ZFHX4: variants seen among roughly 807,000 people sequenced by gnomAD.
ZFHX4 encodes zinc finger homeobox 4, also known as zinc finger homeobox protein 4.
A neutral mutation model predicts 267.6 loss-of-function variants in ZFHX4; 56 were observed. That is an observed-to-expected ratio of 0.21 (90% CI 0.17 to 0.26). The LOEUF is 0.26. Ranked by LOEUF, ZFHX4 falls within the 10% of genes least tolerant of loss-of-function variation. The pLI is 1.00. For synonymous variants in ZFHX4, 1,778 were observed against 1,665.6 expected (o/e 1.07, Z -1.64); for missense variants, 4,332 against 4,420.0 (o/e 0.98, Z 0.56).
rs569947507 is a variant in ZFHX4 at position 76,735,418 on chromosome 8, A to G, written c.3093+27370A>G. Among the ~76,000 whole-genome samples the G allele has an allele frequency of 1.2e-4, 18 of 152,226 alleles. No homozygotes were observed. In the South Asian group the frequency reaches 3.5e-3, roughly 30 times the overall value. On this transcript the variant is annotated intron_variant, in intron 3 of 10. Transcript: ENST00000651372. ...GCTCATCTTTTCTATTTTCACACAC[A>G]AAAAAGAATTAGAATTCAACAAAAT...
At chr8:76,787,847 G>A (rs1810734431) in intron 4 of ZFHX4, among the ~76,000 whole-genome samples, 2 of 151,778 alleles carry the variant, frequency 1.3e-5, no homozygotes, top group South Asian at 4.2e-4. Flanking sequence ...CTGAAAGCAT[G>A]AGCCAGGCTT....
chr8:76,857,373 T>G (rs1284439756), intron 10 of ZFHX4, among the ~76,000 whole-genome samples: 1 of 148,228 alleles, frequency 6.7e-6, no homozygotes, highest in African/African-American at 2.4e-5. Flanking sequence ...TATATATATA[T>G]ATATATATCT....
At chr8:76,826,777 T>C (rs575961232) in intron 4 of ZFHX4, among the ~76,000 whole-genome samples, 207 of 152,362 alleles carry the variant, frequency 1.4e-3, no homozygotes, top group African/African-American at 4.6e-3. Flanking sequence ...AGAGATCTGC[T>C]GCACAACATT....
chr8:76,776,007 G>A (rs1175544732), intron 3 of ZFHX4, among the ~76,000 whole-genome samples: 1 of 151,572 alleles, frequency 6.6e-6, no homozygotes, highest in Non-Finnish European at 1.5e-5. Context: ...GACAAGAAAC[G>A]AGGTTCTGTT....
At chr8:76,779,218 G>A (rs1296496706) in intron 4 of ZFHX4, among the ~76,000 whole-genome samples, 4 of 152,076 alleles carry the variant, frequency 2.6e-5, no homozygotes, top group Non-Finnish European at 4.4e-5. Context: ...GCATAAAAAA[G>A]CCTATTTAGA....
intron 1 of ZFHX4, among the ~76,000 whole-genome samples, chr8:76,686,776 C>T (rs1382742046): frequency 1.3e-5 from 2 of 152,164 alleles, no homozygotes; most frequent in Non-Finnish European, 2.9e-5. Flanking sequence ...AAAGACTAAT[C>T]CATCTCCCTC....
chr8:76,684,632 TA>T (rs1367561340), intron 1 of ZFHX4, among the ~76,000 whole-genome samples: 1 of 152,206 alleles, frequency 6.6e-6, no homozygotes, highest in Non-Finnish European at 1.5e-5. Flanking sequence ...ACCAGCTGTG[TA>T]AGTCAAAGCA....
rs770030840 is a variant in ZFHX4, at chr8:76,833,378, T to C, written c.3366T>C (p.Leu1122=). Residue 1122 remains leucine (L), a synonymous_variant, in exon 5 of 11, where the codon CTT becomes CTC. Transcript: ENST00000651372. Reference sequence around the variant, plus strand: ...GAGCCAGGACTTGTGATGATGATCTTACAGAGCAGCAGTTGAGATCGACCT... The same window carrying C: ...GAGCCAGGACTTGTGATGATGATCTCACAGAGCAGCAGTTGAGATCGACCT... ...SLGARTCDDD[L]TEQQLRSTSE... is the part of the protein sequence containing the mutation. 2 of 1,610,528 alleles carry C rather than the reference T, an allele frequency of 1.2e-6. No individual in the cohort carries two copies. The highest frequency in any genetic ancestry group is 1.1e-5 in the South Asian group (1 of 90,212).
chr8:76,788,384 A>G (rs921100926), intron 4 of ZFHX4, among the ~76,000 whole-genome samples: 5 of 152,162 alleles, frequency 3.3e-5, no homozygotes, highest in African/African-American at 9.7e-5. Context: ...CTTCTCTAGT[A>G]CTTACTGTAT....
rs759439557 is a variant in ZFHX4, at chr8:76,852,013, C to G, written c.5092C>G (p.Leu1698Val). The G allele has an allele frequency of 6.2e-7, 1 of 1,613,996 alleles. No homozygotes were observed. Among genetic ancestry groups the G allele is most frequent in the East Asian group, 2.2e-5 (1 of 44,886 alleles). ...GTCACCAGCACAAATTCAGATGCAA[C>G]TACAGCACGAATTACAACAGCAAGC... The part of the protein sequence containing the change: ...PQSPAQIQMQ[L>V]QHELQQQAAF... The change falls in exon 10 of 11, where the codon CTA becomes GTA. Residue 1698 changes from leucine (L) to valine (V), a missense_variant. Around this residue, in one of 7 missense-constraint regions of ZFHX4, gnomAD observed 1,371 missense variants for 1,423.1 expected, o/e 0.96. Transcript: ENST00000651372.
rs1812994521 is a variant in ZFHX4 at position 76,865,138 on chromosome 8, C to G, written c.*573C>G. The G allele has an allele frequency of 6.5e-6, 1 of 152,774 alleles. No individual in the cohort carries two copies. The highest frequency in any genetic ancestry group is 2.4e-5 in the African/African-American group (1 of 41,434). The allele number at this position is 152,774 out of a possible 1,614,324, so 9.5% of individuals were successfully genotyped here. A position where few individuals can be genotyped will look rare whatever the true frequency, so the allele number is the denominator to read the frequency against. The stretch of plus-strand genomic sequence containing the variant: ...AACCCTTACTGGACAACACACAGAT[C>G]CTTGAGCTCACGCTGCAGGATAGTA... On this transcript the variant is annotated 3_prime_UTR_variant, in exon 11 of 11. Transcript: ENST00000651372.
At chr8:76,817,406 T>C (rs1811534908) in intron 4 of ZFHX4, among the ~76,000 whole-genome samples, 1 of 152,186 alleles carries the variant, frequency 6.6e-6, no homozygotes, top group Non-Finnish European at 1.5e-5. Context: ...GTTCATAAAA[T>C]TAAAAGTCAA....
chr8:76,823,130 CTT>C (rs201717109), intron 4 of ZFHX4, among the ~76,000 whole-genome samples: 461 of 136,128 alleles, frequency 3.4e-3, no homozygotes, highest in Middle Eastern at 0.019. Flanking sequence ...ATAGTGTCTC[CTT>C]TTTTTTTTTT....
At chr8:76,822,727 C>T (rs1811685353) in intron 4 of ZFHX4, among the ~76,000 whole-genome samples, 1 of 152,096 alleles carries the variant, frequency 6.6e-6, no homozygotes, top group Non-Finnish European at 1.5e-5. Flanking sequence ...AGGCATGAGG[C>T]ACCACTCCCA....
At chr8:76,717,551 G>C (rs11787532) in intron 3 of ZFHX4, among the ~76,000 whole-genome samples, 44,210 of 152,078 alleles carry the variant, frequency 0.29, 8,931 homozygotes, top group African/African-American at 0.57. Context: ...ATGGAAACTC[G>C]CAATAACTAT....
chr8:76,835,399 C>A lies in ZFHX4; in HGVS notation c.3394+1993C>A, dbSNP rs563132780. Among the ~76,000 whole-genome samples the A allele has an allele frequency of 8.6e-5, 13 of 151,260 alleles. No homozygotes were observed. In the East Asian group the frequency reaches 2.5e-3, roughly 29 times the overall value. On this transcript the variant is annotated intron_variant, in intron 5 of 10. Transcript: ENST00000651372. ...ATATATTTCTGCTATATAAATATGACCCCAGTTTCCAGATTTATCCAGCTG... is the reference window on the plus strand; with the variant it reads ...ATATATTTCTGCTATATAAATATGAACCCAGTTTCCAGATTTATCCAGCTG...
At chr8:76,841,475 C>A (rs1398207960) in intron 5 of ZFHX4, among the ~76,000 whole-genome samples, 1 of 152,118 alleles carries the variant, frequency 6.6e-6, no homozygotes, top group African/African-American at 2.4e-5. Flanking sequence ...TAATGCTTGA[C>A]ACTTAAAATG....
Position 76,778,416 on chromosome 8 carries a change from A to T in ZFHX4, c.3302A>T (p.Lys1101Ile), listed in dbSNP as rs1810459104. Residue 1101 changes from lysine to isoleucine, a missense_variant, in exon 4 of 11, where the codon AAA (lysine) becomes ATA (isoleucine). Transcript: ENST00000651372. Reference protein sequence around the residue: ...EDNLSEIFFVKDCPPNELETA... With the variant: ...EDNLSEIFFVIDCPPNELETA... Reference sequence around the variant, plus strand: ...AACCTCAGTGAGATCTTTTTTGTTAAAGATTGCCCACCAAATGAGCTTGGT... The same window carrying T: ...AACCTCAGTGAGATCTTTTTTGTTATAGATTGCCCACCAAATGAGCTTGGT... The T allele has an allele frequency of 6.2e-7, 1 of 1,613,518 alleles. No individual in the cohort carries two copies. The highest frequency in any genetic ancestry group is 1.3e-5 in the African/African-American group (1 of 74,846).
chr8:76,685,349 T>C (rs1246775314), intron 1 of ZFHX4, among the ~76,000 whole-genome samples: 1 of 152,154 alleles, frequency 6.6e-6, no homozygotes, highest in Non-Finnish European at 1.5e-5. Context: ...AAGTCTCAAG[T>C]CTATTAGAAG....
Sources: allele counts gnomAD v4.1 joint callset (sites outside exome capture counted in the v4.1 genomes callset), GRCh38; gene constraint gnomAD v4.1.1; regional missense constraint gnomAD v4.1.1; transcripts MANE v1.5; gene names NCBI Gene and HGNC (gene_info 2026-07-23, HGNC 2026-07-21).